CADM2: variants seen among roughly 807,000 people sequenced by gnomAD.
The protein encoded by CADM2 is immunoglobulin superfamily member 4D.
A neutral mutation model predicts 49.8 loss-of-function variants in CADM2; 12 were observed. The ratio of observed to expected loss-of-function variants is 0.24; its 90% CI spans 0.15 to 0.39. CADM2 has a LOEUF of 0.39. Ranked by LOEUF, CADM2 falls within the 10% of genes least tolerant of loss-of-function variation. CADM2 has a pLI of 1.00. For synonymous variants in CADM2, 214 were observed against 175.4 expected (o/e 1.22, Z -1.74); for missense variants, 378 against 492.3 (o/e 0.77, Z 2.20).
At chr3:85,287,333 C>A (rs1164823093) in intron 1 of CADM2, among the ~76,000 whole-genome samples, 1 of 149,186 alleles carries the variant, frequency 6.7e-6, no homozygotes, top group Non-Finnish European at 1.5e-5. Context: ...ATACTTTTTT[C>A]TTTGAATATA....
chr3:85,481,220 T>C (rs1423818496), intron 1 of CADM2, among the ~76,000 whole-genome samples: 3 of 101,256 alleles, frequency 3.0e-5, no homozygotes, highest in Non-Finnish European at 6.5e-5. Flanking sequence ...ACACAAATTA[T>C]ATATATTGGA....
intron 1 of CADM2, among the ~76,000 whole-genome samples, chr3:85,281,711 A>G (rs1168483373): frequency 3.9e-5 from 6 of 152,156 alleles, no homozygotes; most frequent in African/African-American, 1.4e-4. Flanking sequence ...TGCTAAATCT[A>G]TCTTAGAAAA....
intron 8 of CADM2, among the ~76,000 whole-genome samples, chr3:86,056,336 G>T (rs1338144130): frequency 1.3e-5 from 2 of 152,286 alleles, no homozygotes; most frequent in South Asian, 2.1e-4. Context: ...CAGCAAAAAA[G>T]ATCGCTGAAA....
chr3:85,448,175 C>T (rs1559845306), intron 1 of CADM2, among the ~76,000 whole-genome samples: 1 of 151,136 alleles, frequency 6.6e-6, no homozygotes, highest in Admixed American at 6.6e-5. Context: ...ACTGAAAATA[C>T]AAAAAAAATT....
chr3:85,051,144 C>T (rs2035867266), intron 1 of CADM2, among the ~76,000 whole-genome samples: 1 of 152,278 alleles, frequency 6.6e-6, no homozygotes, highest in African/African-American at 2.4e-5. Flanking sequence ...CATTCAAAAA[C>T]TTTGTAGAAG....
intron 1 of CADM2, among the ~76,000 whole-genome samples, chr3:85,598,835 A>C (rs2063317518): frequency 7.7e-6 from 1 of 129,198 alleles, no homozygotes; most frequent in African/African-American, 2.6e-5. Flanking sequence ...TACCATGCAT[A>C]TACTTAAGTG....
At chr3:86,036,914 T>C (rs1383881151) in intron 8 of CADM2, among the ~76,000 whole-genome samples, 1 of 152,178 alleles carries the variant, frequency 6.6e-6, no homozygotes, top group Non-Finnish European at 1.5e-5. Context: ...CAATATTTAG[T>C]TCTTTTTCAC....
chr3:85,876,401 A>G (rs1711843714), intron 3 of CADM2, among the ~76,000 whole-genome samples: 1 of 152,174 alleles, frequency 6.6e-6, no homozygotes, highest in Non-Finnish European at 1.5e-5. Context: ...ATTCAATTTA[A>G]TCTAATAAAT....
At chr3:85,888,544 C>T (rs1275031997) in intron 5 of CADM2, among the ~76,000 whole-genome samples, 1 of 152,094 alleles carries the variant, frequency 6.6e-6, no homozygotes, top group Non-Finnish European at 1.5e-5. Context: ...TTTCTATGCT[C>T]TTCAATGCAC....
In CADM2 at chr3:85,651,798, G is replaced by A. The variant is rs1039031591; in HGVS notation, c.62-74724G>A. On this transcript the variant is annotated intron_variant, in intron 1 of 9. Transcript: ENST00000383699. Reference sequence around the variant, plus strand: ...TAGCACTTGATTATGTTAATCTATCGACTAAACTTAATTTTGTTTTTTTCT... The same window carrying A: ...TAGCACTTGATTATGTTAATCTATCAACTAAACTTAATTTTGTTTTTTTCT... 2.7e-5 allele frequency among the ~76,000 whole-genome samples: 4 copies of A among 150,270 alleles called. No individual in the cohort carries two copies. In the Admixed American group the frequency reaches 2.7e-4, roughly 10 times the overall value.
At chr3:85,928,037 A>C (rs2108519327) in intron 6 of CADM2, among the ~76,000 whole-genome samples, 1 of 152,286 alleles carries the variant, frequency 6.6e-6, no homozygotes, top group African/African-American at 2.4e-5. Context: ...AGGATATAGA[A>C]AATCCATTCT....
At chr3:85,708,403 G>T (rs73147239) in intron 1 of CADM2, among the ~76,000 whole-genome samples, 32,914 of 151,862 alleles carry the variant, frequency 0.22, 4,221 homozygotes, top group Middle Eastern at 0.29. Context: ...AAAACCCACT[G>T]TAACTAACTT....
intron 1 of CADM2, among the ~76,000 whole-genome samples, chr3:85,184,838 TA>T (rs1346232177): frequency 6.6e-6 from 1 of 152,106 alleles, no homozygotes; most frequent in Non-Finnish European, 1.5e-5. Context: ...TTTGTCAAGA[TA>T]AATATCCTAG....
intron 1 of CADM2, among the ~76,000 whole-genome samples, chr3:85,638,846 GAT>G (rs1158389545): frequency 6.6e-6 from 1 of 152,036 alleles, no homozygotes; most frequent in African/African-American, 2.4e-5. Context: ...TAAAAAGAGA[GAT>G]ATTAGGGTGT....
chr3:85,408,541 A>ATAT (rs2035509396), intron 1 of CADM2, among the ~76,000 whole-genome samples: 1 of 152,204 alleles, frequency 6.6e-6, no homozygotes, highest in Non-Finnish European at 1.5e-5. Flanking sequence ...CTATAGAGAT[A>ATAT]TGTTCTATTT....
intron 6 of CADM2, among the ~76,000 whole-genome samples, chr3:85,915,590 G>A (rs771471073): frequency 1.2e-4 from 18 of 152,028 alleles, no homozygotes; most frequent in Admixed American, 5.3e-4. Flanking sequence ...CTCAATAGTT[G>A]TTCCCAGAGA....
intron 8 of CADM2, among the ~76,000 whole-genome samples, chr3:85,999,169 G>A (rs1729807811): frequency 6.6e-6 from 1 of 151,520 alleles, no homozygotes; most frequent in Non-Finnish European, 1.5e-5. Context: ...AGCACCAAAT[G>A]TTTCAGAGAG....
chr3:85,169,179 G>C (rs1157716315), intron 1 of CADM2, among the ~76,000 whole-genome samples: 3 of 151,832 alleles, frequency 2.0e-5, no homozygotes, highest in African/African-American at 7.3e-5. Context: ...GTAGAGACAG[G>C]GTTCCAGTTC....
chr3:85,428,407 C>T (rs2036513718), intron 1 of CADM2, among the ~76,000 whole-genome samples: 1 of 141,816 alleles, frequency 7.1e-6, no homozygotes. Context: ...ACATATTCCC[C>T]TATGGGAATA....
Sources: allele counts gnomAD v4.1 joint callset (sites outside exome capture counted in the v4.1 genomes callset), GRCh38; gene constraint gnomAD v4.1.1; transcripts MANE v1.5; gene names NCBI Gene and HGNC (gene_info 2026-07-23, HGNC 2026-07-21).